The following HDX variants were observed in gnomAD, a reference collection of about 807,000 sequenced individuals.
The protein encoded by HDX is chromosome X open reading frame 43.
A neutral mutation model predicts 45.2 loss-of-function variants in HDX; 19 were observed. That is an observed-to-expected ratio of 0.42 (90% CI 0.29 to 0.62). HDX has a LOEUF of 0.62. HDX is among the 20% of genes least tolerant of loss of function. The pLI is 0.20. For synonymous variants in HDX, 188 were observed against 172.8 expected, an observed-to-expected ratio of 1.09 and a Z score of -0.69; for missense variants, 532 against 493.9, an observed-to-expected ratio of 1.08 and a Z score of -0.73.
At chrX:84,402,897 C>T (rs985809035) in intron 5 of HDX, among the ~76,000 whole-genome samples, 1 of 111,083 alleles carries the variant, frequency 9.0e-6, no homozygotes, top group Non-Finnish European at 1.9e-5. Context: ...TAATCTAAAA[C>T]GTGTAAAATA....
At position 84,319,492 on chromosome X, in the gene HDX, C is replaced by T. The variant is rs1165722927; in HGVS notation, c.*2397G>A. On this transcript the variant is annotated 3_prime_UTR_variant, in exon 11 of 11. Coordinates refer to ENST00000373177, the MANE Select transcript of HDX (RefSeq NM_001177479.2). ...TAGATAGAGGTATTTCCTTCAGTTCCTGCTACAGAATAGCCACATTTCATT... is the reference window on the plus strand; with the variant it reads ...TAGATAGAGGTATTTCCTTCAGTTCTTGCTACAGAATAGCCACATTTCATT... 1 of 111,579 alleles carries T rather than the reference C, an allele frequency of 9.0e-6. No individual in the cohort carries two copies. Among genetic ancestry groups the T allele is most frequent in the East Asian group, 2.8e-4 (1 of 3,578 alleles). 9.2% of individuals were successfully genotyped at this position (111,579 alleles called of 1,213,427 possible). A position where few individuals can be genotyped will look rare whatever the true frequency, so the allele number is the denominator to read the frequency against.
At chrX:84,332,291 T>C in intron 9 of HDX, among the ~76,000 whole-genome samples, 1 of 111,896 alleles carries the variant, frequency 8.9e-6, no homozygotes, top group Middle Eastern at 4.7e-3. Flanking sequence ...CTGCCAAGCC[T>C]GAGACACTTA....
rs183095390 is a variant in HDX, at chrX:84,371,182, G to T, written c.1306-9570C>A. Among the ~76,000 whole-genome samples the T allele has an allele frequency of 1.9e-3, 213 of 111,849 alleles. 1 individual carries two copies. The highest frequency in any genetic ancestry group is 3.0e-3 in the South Asian group (8 of 2,653). On this transcript the variant is annotated intron_variant, in intron 5 of 10. Coordinates refer to ENST00000373177, the MANE Select transcript of HDX (RefSeq NM_001177479.2). The stretch of plus-strand genomic sequence containing the variant: ...AAACAGTGGGAATCCAGAAAATCCT[G>T]TATTTGAATCTCAGTTCTGTCTCTT...
chrX:84,489,141 T>A (rs1316319110), intron 1 of HDX, among the ~76,000 whole-genome samples: 3 of 111,752 alleles, frequency 2.7e-5, no homozygotes, highest in Non-Finnish European at 5.6e-5. Flanking sequence ...TTGGATTTGC[T>A]GGAGGAATGA....
intron 10 of HDX, among the ~76,000 whole-genome samples, chrX:84,323,863 T>A (rs948245723): frequency 8.9e-6 from 1 of 112,564 alleles, no homozygotes; most frequent in African/African-American, 3.2e-5. Flanking sequence ...CGGTCATTTT[T>A]CCCAAGAGAT....
intron 6 of HDX, among the ~76,000 whole-genome samples, chrX:84,348,305 A>G (rs1312905585): frequency 9.0e-6 from 1 of 111,328 alleles, no homozygotes; most frequent in Non-Finnish European, 1.9e-5. Context: ...GGTCTCTAGC[A>G]TTTGTTTTTT....
At chrX:84,340,834 T>A (rs2037069677) in intron 7 of HDX, among the ~76,000 whole-genome samples, 1 of 111,227 alleles carries the variant, frequency 9.0e-6, no homozygotes, top group African/African-American at 3.3e-5. Context: ...GCAATCACAC[T>A]TCTGATCAAG....
chrX:84,375,599 G>A (rs143850825), intron 5 of HDX, among the ~76,000 whole-genome samples: 12,006 of 110,837 alleles, frequency 0.11, 623 homozygotes, highest in East Asian at 0.26. Flanking sequence ...TTGTAGGGAC[G>A]TGGATGAAAT....
chrX:84,371,644 A>T (rs1158128367), intron 5 of HDX, among the ~76,000 whole-genome samples: 1 of 112,007 alleles, frequency 8.9e-6, no homozygotes, highest in East Asian at 2.8e-4. Flanking sequence ...CATGGAACAC[A>T]GATGTCACTC....
In HDX at chrX:84,494,394, T is replaced by C. The variant is rs141826440; in HGVS notation, c.-109-6262A>G. On this transcript the variant is annotated intron_variant, in intron 1 of 10. Transcript: ENST00000373177. ...AGCTAACATTTCACAATCTTGCAAA[T>C]CACAGTCTTGTTAATACTTTTAAAA... Among the ~76,000 whole-genome samples the C allele has an allele frequency of 2.8e-3, 320 of 112,389 alleles. 1 individual carries two copies. The highest frequency in any genetic ancestry group is 9.8e-3 in the African/African-American group (304 of 31,049).
intron 4 of HDX, among the ~76,000 whole-genome samples, chrX:84,446,598 TA>T (rs777766604): frequency 1.4e-4 from 15 of 107,180 alleles, no homozygotes; most frequent in Middle Eastern, 4.8e-3. Flanking sequence ...ATTCTGTAAT[TA>T]AAAAAAAAAC....
At chrX:84,414,808 A>G (rs938294860) in intron 5 of HDX, among the ~76,000 whole-genome samples, 1 of 112,054 alleles carries the variant, frequency 8.9e-6, no homozygotes, top group Admixed American at 9.5e-5. Flanking sequence ...TGAGGTAGAA[A>G]TGCCTGCCCT....
At chrX:84,380,768 T>C (rs1358530328) in intron 5 of HDX, among the ~76,000 whole-genome samples, 3 of 110,926 alleles carry the variant, frequency 2.7e-5, no homozygotes, top group African/African-American at 9.8e-5. Flanking sequence ...CAGTATCATA[T>C]TGAACGGGAA....
At chrX:84,443,924 C>T (rs1461426093) in intron 4 of HDX, among the ~76,000 whole-genome samples, 2 of 111,419 alleles carry the variant, frequency 1.8e-5, no homozygotes, top group African/African-American at 6.5e-5. Context: ...AGATAATTTC[C>T]TGGGTAGCAA....
At chrX:84,444,407 C>T (rs2039829236) in intron 4 of HDX, among the ~76,000 whole-genome samples, 1 of 111,048 alleles carries the variant, frequency 9.0e-6, no homozygotes, top group South Asian at 3.8e-4. Context: ...AGTACAAAAA[C>T]TATTATAATA....
chrX:84,382,643 A>C (rs1193216511), intron 5 of HDX, among the ~76,000 whole-genome samples: 1 of 110,913 alleles, frequency 9.0e-6, no homozygotes, highest in Non-Finnish European at 1.9e-5. Flanking sequence ...TCTAAAAACC[A>C]AAACAATTGA....
rs370005069 is a variant in HDX, at chrX:84,439,535, C to T, written c.1305+997G>A. ...TTTCCTCTAGGATTTTTATAGTTTT[C>T]AGTCTTACATTTAAATATTTAATCC... On this transcript the variant is annotated intron_variant, in intron 5 of 10. Transcript: ENST00000373177. 2.7e-4 allele frequency among the ~76,000 whole-genome samples: 30 copies of T among 111,187 alleles called. No homozygotes were observed. The South Asian group carries it at 0.011, about 42-fold the overall frequency.
intron 5 of HDX, among the ~76,000 whole-genome samples, chrX:84,384,609 T>A (rs2038265360): frequency 9.2e-6 from 1 of 109,272 alleles, no homozygotes; most frequent in African/African-American, 3.3e-5. Context: ...CCAAAGCTAA[T>A]GTGGAGAAGG....
chrX:84,435,427 A>G (rs1370156099), intron 5 of HDX, among the ~76,000 whole-genome samples: 1 of 110,426 alleles, frequency 9.1e-6, no homozygotes, highest in African/African-American at 3.3e-5. Flanking sequence ...TTTCTTGTAA[A>G]TTTGTTGGAG....
Sources: gnomAD v4.1 joint callset for allele counts (sites outside exome capture counted in the v4.1 genomes callset) on GRCh38, gnomAD v4.1.1 for gene constraint, MANE v1.5 for transcripts, NCBI Gene and HGNC (gene_info 2026-07-23, HGNC 2026-07-21) for gene names.